Variants in ZNF765 observed in about 807,000 individuals in gnomAD.
ZNF765 encodes zinc finger protein 765.
ZNF765 carries 37 observed loss-of-function variants against 44.7 expected under a neutral mutation model. The observed-to-expected ratio is 0.83, with a 90% CI of 0.64 to 1.09. ZNF765 has a LOEUF of 1.09. Ranked by LOEUF, ZNF765 falls within the 50% of genes least tolerant of loss-of-function variation. The probability of loss-of-function intolerance (pLI) is 0.00; values close to 1 mark genes in which losing one functional copy is unlikely to be tolerated. For missense variants in ZNF765, 594 were observed against 626.1 expected (o/e 0.95, Z 0.55); for synonymous variants, 201 against 213.7 (o/e 0.94, Z 0.52).
rs1390195441 is a variant in ZNF765 at position 53,411,192 on chromosome 19, G to C, written c.*2065G>C. On this transcript the variant is annotated 3_prime_UTR_variant, in exon 4 of 4. Coordinates refer to ENST00000396408, the MANE Select transcript of ZNF765 (RefSeq NM_001040185.3). ...CTGAGCGCTTTGGGAGGCCAGCACCGGTAGATCACTTGAGTTCAGGAGTTT... is the reference window on the plus strand; with the variant it reads ...CTGAGCGCTTTGGGAGGCCAGCACCCGTAGATCACTTGAGTTCAGGAGTTT... The C allele has an allele frequency of 6.4e-6, 1 of 155,752 alleles. No individual in the cohort carries two copies. The allele number at this position is 155,752 out of a possible 1,614,324, so 9.6% of individuals were successfully genotyped here.
chr19:53,401,495 G>A (rs1347396681), intron 2 of ZNF765, among the ~76,000 whole-genome samples: 4 of 151,664 alleles, frequency 2.6e-5, no homozygotes, highest in East Asian at 3.9e-4. Context: ...CCGGGGAGGC[G>A]GAGCTTGCAG....
intron 3 of ZNF765, among the ~76,000 whole-genome samples, chr19:53,406,906 A>G (rs2085780789): frequency 6.6e-6 from 1 of 152,168 alleles, no homozygotes; most frequent in African/African-American, 2.4e-5. Flanking sequence ...ACAGAGTGAA[A>G]CTTCATCTCA....
intron 3 of ZNF765, among the ~76,000 whole-genome samples, chr19:53,420,816 A>C (rs1242505508): frequency 1.3e-5 from 2 of 152,286 alleles, no homozygotes; most frequent in East Asian, 3.9e-4. Context: ...CCAGGGACAC[A>C]ATACCCTGTG....
At chr19:53,417,187 G>A (rs560598485) in intron 3 of ZNF765, among the ~76,000 whole-genome samples, 22 of 152,236 alleles carry the variant, frequency 1.4e-4, no homozygotes, top group African/African-American at 5.3e-4. Flanking sequence ...ATAGGTAAAC[G>A]TGTGTCATGG....
exon 4 of ZNF765, chr19:53,425,019 G>A (rs1316129472): frequency 6.6e-6 from 1 of 152,210 alleles, no homozygotes; most frequent in African/African-American, 2.4e-5. Context: ...AGGGAGGATT[G>A]AAATGAACTG....
intron 2 of ZNF765, among the ~76,000 whole-genome samples, chr19:53,399,922 C>G (rs2147088788): frequency 6.6e-6 from 1 of 152,108 alleles, no homozygotes; most frequent in East Asian, 1.9e-4. Context: ...TCAAGTGATT[C>G]TCCTGCCTCA....
In ZNF765 at chr19:53,410,975, A is replaced by C. The variant is rs2085828389; in HGVS notation, c.*1848A>C. ...TCAGTCTGAGCTCACTCCTTGCAGGATATCAGAAAATTCATTTTGGAGATA... is the reference window on the plus strand; with the variant it reads ...TCAGTCTGAGCTCACTCCTTGCAGGCTATCAGAAAATTCATTTTGGAGATA... On this transcript the variant is annotated 3_prime_UTR_variant, in exon 4 of 4. Coordinates refer to ENST00000396408, the MANE Select transcript of ZNF765 (RefSeq NM_001040185.3). 2.8e-6 allele frequency: 1 copy of C among 361,058 alleles called. No individual in the cohort carries two copies. The highest frequency in any genetic ancestry group is 2.1e-5 in the African/African-American group (1 of 46,556). 22.4% of individuals were successfully genotyped at this position (361,058 alleles called of 1,614,324 possible). A position where few individuals can be genotyped will look rare whatever the true frequency, so the allele number is the denominator to read the frequency against.
chr19:53,415,606 G>A (rs2085870390), downstream of ZNF765, among the ~76,000 whole-genome samples: 2 of 152,248 alleles, frequency 1.3e-5, no homozygotes, highest in Admixed American at 6.5e-5. Context: ...ATAGCCAGCA[G>A]TTTACTACAG....
chr19:53,426,496 T>A (rs1263860181), exon 4 of ZNF765: 1 of 152,094 alleles, frequency 6.6e-6, no homozygotes, highest in Non-Finnish European at 1.5e-5. Context: ...AAAGTCAAGC[T>A]GCACTAATCT....
Position 53,408,308 on chromosome 19 carries a change from C to CT in ZNF765, c.756dup (p.Asn253Ter), listed in dbSNP as rs758373325. ...ATAAATGCGATATATGTGGCAAGGTCTTTAATTCGAAGCGATACGTTGCAC... is the reference window on the plus strand; with the variant it reads ...ATAAATGCGATATATGTGGCAAGGTCTTTTAATTCGAAGCGATACGTTGCAC... On this transcript the variant is annotated frameshift_variant, in exon 4 of 4. Coordinates refer to ENST00000396408, the MANE Select transcript of ZNF765 (RefSeq NM_001040185.3). LOFTEE classifies it high-confidence loss of function. 3.7e-6 allele frequency: 6 copies of CT among 1,614,228 alleles called. No homozygotes were observed. In the South Asian group the frequency reaches 6.6e-5, roughly 18 times the overall value.
intron 2 of ZNF765, among the ~76,000 whole-genome samples, chr19:53,401,420 G>A (rs1411008262): frequency 1.3e-5 from 2 of 152,062 alleles, no homozygotes; most frequent in Admixed American, 6.6e-5. Flanking sequence ...AAAATTAGCT[G>A]GGCGTGGTGG....
chr19:53,402,874 T>A (rs8111151), intron 3 of ZNF765, among the ~76,000 whole-genome samples: 128,067 of 152,072 alleles, frequency 0.84, 54,098 homozygotes, highest in Admixed American at 0.88. Flanking sequence ...GCTTTTATTT[T>A]AAAAATTTTT....
chr19:53,407,694 T>C lies in ZNF765; in HGVS notation c.143-4T>C. On this transcript the variant is annotated splice_region_variant and splice_polypyrimidine_tract_variant and intron_variant, in intron 3 of 3. Transcript: ENST00000396408. ...TGAAACCTTTTGGTGTGTATACTTTTTAGATATCTCTTCCAAATGCATGAT... is the reference window on the plus strand; with the variant it reads ...TGAAACCTTTTGGTGTGTATACTTTCTAGATATCTCTTCCAAATGCATGAT... The C allele has an allele frequency of 6.5e-7, 1 of 1,539,250 alleles. No homozygotes were observed. Among genetic ancestry groups the C allele is most frequent in the East Asian group, 2.3e-5 (1 of 44,322 alleles).
downstream of ZNF765, among the ~76,000 whole-genome samples, chr19:53,414,255 G>A (rs10411642): frequency 0.79 from 73,276 of 93,336 alleles, 30,675 homozygotes; most frequent in Non-Finnish European, 0.87. Context: ...AAAAAAAAAA[G>A]AAACTTGCAG....
exon 4 of ZNF765, chr19:53,423,625 G>T: frequency 3.8e-6 from 1 of 262,010 alleles, no homozygotes; most frequent in Non-Finnish European, 7.5e-6. Context: ...TTTCCCAACT[G>T]TCAGCCGCTT....
Position 53,401,876 on chromosome 19 carries a change from TAAA to T in ZNF765, c.16-177_16-175del, listed in dbSNP as rs111753331. 3,108 of 1,204,018 alleles carry T rather than the reference TAAA, an allele frequency of 2.6e-3. 16 individuals carry two copies. Among genetic ancestry groups the T allele is most frequent in the African/African-American group, 0.017 (1,092 of 65,010 alleles). The allele number at this position is 1,204,018 out of a possible 1,614,324, so 74.6% of individuals were successfully genotyped here. A position where few individuals can be genotyped will look rare whatever the true frequency, so the allele number is the denominator to read the frequency against. On this transcript the variant is annotated intron_variant, in intron 2 of 3. Coordinates refer to ENST00000396408, the MANE Select transcript of ZNF765 (RefSeq NM_001040185.3). ...GGGCAACAGAGTGAGACTCCACCTT[TAAA>T]AAAAAAAAAAAGAACTTTAGTAAAC...
chr19:53,400,783 T>TATAC (rs10664389), intron 2 of ZNF765, among the ~76,000 whole-genome samples: 1 of 126,776 alleles, frequency 7.9e-6, no homozygotes, highest in African/African-American at 3.0e-5. Flanking sequence ...TATATATATA[T>TATAC]ACACACATAC....
chr19:53,395,441 T>A (rs1719410183), intron 1 of ZNF765, among the ~76,000 whole-genome samples: 1 of 152,244 alleles, frequency 6.6e-6, no homozygotes, highest in Admixed American at 6.5e-5. Context: ...GTAGTTTTCC[T>A]GCTCTGAAAC....
At chr19:53,406,404 G>A (rs2085776931) in intron 3 of ZNF765, among the ~76,000 whole-genome samples, 1 of 152,032 alleles carries the variant, frequency 6.6e-6, no homozygotes. Flanking sequence ...ATCTTAACAT[G>A]TATTTCAGTT....
Sources: allele counts gnomAD v4.1 joint callset (sites outside exome capture counted in the v4.1 genomes callset), GRCh38; gene constraint gnomAD v4.1.1; transcripts MANE v1.5; gene names NCBI Gene and HGNC (gene_info 2026-07-23, HGNC 2026-07-21).